NEMF: variants seen among roughly 807,000 people sequenced by gnomAD.
NEMF encodes the protein ribosome quality control complex subunit NEMF.
A neutral mutation model predicts 162.2 loss-of-function variants in NEMF; 89 were observed. That is an observed-to-expected ratio of 0.55 (90% CI 0.46 to 0.65). The LOEUF (loss-of-function observed/expected upper bound fraction) is 0.65, where lower values mean the gene tolerates loss of function less well. Among genes scored for constraint, NEMF ranks in the 30% least tolerant of loss-of-function variants. NEMF has a pLI of 0.00. For synonymous variants in NEMF, 421 were observed against 404.5 expected (o/e 1.04, Z -0.49); for missense variants, 1,133 against 1,261.9 (o/e 0.90, Z 1.55).
chr14:49,794,996 G>A (rs996211375), intron 26 of NEMF, among the ~76,000 whole-genome samples: 1 of 151,950 alleles, frequency 6.6e-6, no homozygotes, highest in Non-Finnish European at 1.5e-5. Context: ...GAGATTACAC[G>A]CATGAGCCAC....
chr14:49,787,966 C>G (rs1418406543), intron 28 of NEMF, among the ~76,000 whole-genome samples: 1 of 152,040 alleles, frequency 6.6e-6, no homozygotes, highest in African/African-American at 2.4e-5. Flanking sequence ...TTTATCTGGC[C>G]TCTATTTTAA....
In NEMF at chr14:49,821,000, C is replaced by T. The variant is rs1434868210; in HGVS notation, c.1577+4867G>A. ...GTGAGGAGCGTCTCTGCCCGGCCGC[C>T]CATCATCTGAGATGTGGGGAGCACC... is the stretch of plus-strand genomic sequence containing the variant. On this transcript the variant is annotated intron_variant, in intron 16 of 32. Transcript: ENST00000298310. Among the ~76,000 whole-genome samples, 59 of 15,760 alleles carry T rather than the reference C, an allele frequency of 3.7e-3. 18 individuals are homozygous for T. Among genetic ancestry groups the T allele is most frequent in the African/African-American group, 3.9e-3 (57 of 14,634 alleles). The allele number at this position is 15,760 out of a possible 152,430, so 10.3% of individuals were successfully genotyped here.
chr14:49,804,112 C>G (rs543460021), intron 19 of NEMF, among the ~76,000 whole-genome samples: 1 of 151,002 alleles, frequency 6.6e-6, no homozygotes, highest in Non-Finnish European at 1.5e-5. Context: ...TCCAGAGATT[C>G]TCCTGCCTCA....
chr14:49,806,230 G>GTATATATATATATATA lies in NEMF; in HGVS notation c.1745-98_1745-97insTATATATATATATATA, dbSNP rs1219496185. ...TGCCGCATGACAGGGTCAATGATAT[G>GTATATATATATATATA]TGTATATATATATATATATATATAT... is the stretch of plus-strand genomic sequence containing the variant. On this transcript the variant is annotated intron_variant, in intron 18 of 32. Transcript: ENST00000298310. 5.8e-5 allele frequency: 6 copies of GTATATATATATATATA among 104,318 alleles called. No homozygotes were observed. In the African/African-American group the frequency reaches 8.2e-4, roughly 14 times the overall value. 6.5% of individuals were successfully genotyped at this position (104,318 alleles called of 1,614,324 possible). A position where few individuals can be genotyped will look rare whatever the true frequency, so the allele number is the denominator to read the frequency against.
intron 7 of NEMF, among the ~76,000 whole-genome samples, chr14:49,833,901 T>G (rs1892766201): frequency 6.6e-6 from 1 of 152,220 alleles, no homozygotes; most frequent in South Asian, 2.1e-4. Flanking sequence ...TTTCCAGAGT[T>G]ATCCTGAACA....
At position 49,785,575 on chromosome 14, in the gene NEMF, T is replaced by TAC. The variant is rs148985928; in HGVS notation, c.2929-257_2929-256dup. On this transcript the variant is annotated intron_variant, in intron 29 of 32. Coordinates refer to ENST00000298310, the MANE Select transcript of NEMF (RefSeq NM_004713.6). Reference sequence around the variant, plus strand: ...GAACAATAATTTTCAAAATCCTACCTACAGTTACATTTAAGAGAAAGAAGG... The same window carrying TAC: ...GAACAATAATTTTCAAAATCCTACCTACACAGTTACATTTAAGAGAAAGAAGG... 1,780 of 381,536 alleles carry TAC rather than the reference T, an allele frequency of 4.7e-3. 29 individuals are homozygous for TAC. The highest frequency in any genetic ancestry group is 0.033 in the African/African-American group (1,586 of 48,632). 23.6% of individuals were successfully genotyped at this position (381,536 alleles called of 1,614,324 possible).
intron 20 of NEMF, 121 bp from the exon 21 acceptor site, chr14:49,802,848 T>C (rs1409989255): frequency 1.4e-6 from 1 of 703,082 alleles, no homozygotes; most frequent in Non-Finnish European, 2.4e-6. Flanking sequence ...TCTTTTACTA[T>C]GTCAAGAATA....
In NEMF at chr14:49,806,036, C is replaced by T; in HGVS notation, c.1842G>A (p.Trp614Ter). ...CCCTTATTACCTGATGATGGTACAC[C>T]CACCAAGCACTAGTGATAACTCGTG... ...WDARVITSAWWVYHHQVSKTA... is the reference protein window; with the variant it reads ...WDARVITSAW The change falls in exon 19 of 33, where the codon TGG (tryptophan) becomes TGA (stop). Residue 614 changes from tryptophan to a stop codon, truncating the protein, a stop_gained. Coordinates refer to ENST00000298310, the MANE Select transcript of NEMF (RefSeq NM_004713.6). LOFTEE classifies it high-confidence loss of function. 1 of 1,608,530 alleles carries T rather than the reference C, an allele frequency of 6.2e-7. No individual in the cohort carries two copies. The highest frequency in any genetic ancestry group is 8.5e-7 in the Non-Finnish European group (1 of 1,177,096).
chr14:49,804,807 G>A (rs746269993), intron 19 of NEMF, among the ~76,000 whole-genome samples: 1 of 152,152 alleles, frequency 6.6e-6, no homozygotes. Flanking sequence ...GAAGCAGGAG[G>A]ATCACTTGAG....
At chr14:49,791,554 T>C (rs1339382343) in intron 26 of NEMF, among the ~76,000 whole-genome samples, 2 of 151,666 alleles carry the variant, frequency 1.3e-5, no homozygotes, top group Non-Finnish European at 2.9e-5. Context: ...CTGACCAACA[T>C]GGTGAAACTC....
At chr14:49,806,187 C>T (rs1891179919) in intron 18 of NEMF, 54 bp from the exon 19 acceptor site, 1 of 1,189,890 alleles carries the variant, frequency 8.4e-7, no homozygotes, top group Non-Finnish European at 1.2e-6. Flanking sequence ...TTCTCCAGAG[C>T]AAGATATGAA....
intron 23 of NEMF, among the ~76,000 whole-genome samples, chr14:49,799,898 G>A (rs1182897030): frequency 1.3e-5 from 2 of 152,056 alleles, no homozygotes; most frequent in African/African-American, 2.4e-5. Flanking sequence ...TGTGTGTCAG[G>A]CACTGCCAGA....
intron 20 of NEMF, 96 bp from the exon 21 acceptor site, chr14:49,802,823 G>T: frequency 1.2e-6 from 1 of 814,604 alleles, no homozygotes; most frequent in Non-Finnish European, 2.0e-6. Flanking sequence ...GACACTAATG[G>T]TCATATCCAT....
intron 15 of NEMF, 147 bp from the exon 16 acceptor site, chr14:49,826,102 G>A (rs1202361379): frequency 1.1e-5 from 6 of 530,146 alleles, no homozygotes; most frequent in South Asian, 2.9e-5. Context: ...ACACAAATAC[G>A]CATACTTGAA....
At chr14:49,828,870 C>A in intron 13 of NEMF, 63 bp from the exon 14 acceptor site, 1 of 1,369,258 alleles carries the variant, frequency 7.3e-7, no homozygotes, top group Non-Finnish European at 9.8e-7. Flanking sequence ...TTTCAATTTT[C>A]TTCTTCAATA....
rs894803692 is a variant in NEMF at position 49,832,220 on chromosome 14, C to G, written c.793G>C (p.Glu265Gln). The G allele has an allele frequency of 4.3e-6, 7 of 1,610,384 alleles. No individual in the cohort carries two copies. The highest frequency in any genetic ancestry group is 5.9e-6 in the Non-Finnish European group (7 of 1,177,250). Residue 265 changes from glutamate to glutamine, a missense_variant, in exon 9 of 33, where the codon GAA becomes CAA. Transcript: ENST00000298310. ...CTATATGCTTACGTCAGTATGTCTTCAACTGGTTTATCTGCTTCCAAGCTT... is the reference window on the plus strand; with the variant it reads ...CTATATGCTTACGTCAGTATGTCTTGAACTGGTTTATCTGCTTCCAAGCTT... ...KPSLEADKPV[E>Q]DILTYEEFHP...
intron 16 of NEMF, among the ~76,000 whole-genome samples, chr14:49,825,145 A>G (rs1048301270): frequency 2.0e-5 from 3 of 152,202 alleles, no homozygotes; most frequent in African/African-American, 7.2e-5. Flanking sequence ...ACAGAATTCT[A>G]TGTGGGTCAG....
At chr14:49,798,749 T>C (rs569690061) in intron 25 of NEMF, among the ~76,000 whole-genome samples, 2 of 151,984 alleles carry the variant, frequency 1.3e-5, no homozygotes, top group South Asian at 4.2e-4. Context: ...CTACTAAAAA[T>C]ACAAAAAATT....
At chr14:49,825,603 G>C (rs1892297474) in intron 16 of NEMF, among the ~76,000 whole-genome samples, 1 of 152,154 alleles carries the variant, frequency 6.6e-6, no homozygotes. Context: ...GGGCACAGTG[G>C]CATGTGCCTG....
Sources: allele counts gnomAD v4.1 joint callset (sites outside exome capture counted in the v4.1 genomes callset), GRCh38; gene constraint gnomAD v4.1.1; transcripts MANE v1.5; gene names NCBI Gene and HGNC (gene_info 2026-07-23, HGNC 2026-07-21).